Variants in TYW1B observed in about 807,000 individuals in gnomAD.
TYW1B encodes the protein S-adenosyl-L-methionine-dependent tRNA 4-demethylwyosine synthase TYW1B.
In TYW1B, 73 loss-of-function variants were observed where a neutral mutation model predicts 86.9. The observed-to-expected ratio is 0.84, with a 90% CI of 0.70 to 1.02. TYW1B has a LOEUF of 1.02. Ranked by LOEUF, TYW1B falls within the 50% of genes least tolerant of loss-of-function variation. TYW1B has a pLI of 0.00. For synonymous variants in TYW1B, 248 were observed against 292.8 expected (o/e 0.85, Z 1.56); for missense variants, 637 against 827.4 (o/e 0.77, Z 2.82).
chr7:72,578,288 T>C (rs1236000969), intron 13 of TYW1B, among the ~76,000 whole-genome samples: 2 of 152,038 alleles, frequency 1.3e-5, no homozygotes, highest in Admixed American at 1.3e-4. Flanking sequence ...TAATTTTTTT[T>C]GTATTTTTAA....
chr7:72,648,785 G>A lies in TYW1B; in HGVS notation c.1507-19788C>T, dbSNP rs1296353162. On this transcript the variant is annotated intron_variant, in intron 11 of 13. Transcript: ENST00000620995. ...TAGTGTGCAGGAAGATATCACCTGTGTGAAGGAGTAAGCGGAGGGTGAAAC... is the reference window on the plus strand; with the variant it reads ...TAGTGTGCAGGAAGATATCACCTGTATGAAGGAGTAAGCGGAGGGTGAAAC... 7.2e-5 allele frequency among the ~76,000 whole-genome samples: 11 copies of A among 152,110 alleles called. 1 individual carries two copies. Among genetic ancestry groups the A allele is most frequent in the Admixed American group, 5.9e-4 (9 of 15,240 alleles).
chr7:72,712,079 C>G (rs1554454874), intron 10 of TYW1B, among the ~76,000 whole-genome samples: 1 of 151,994 alleles, frequency 6.6e-6, no homozygotes, highest in African/African-American at 2.4e-5. Flanking sequence ...CAGATCATTT[C>G]CCCAGAGGCC....
intron 11 of TYW1B, among the ~76,000 whole-genome samples, chr7:72,632,291 ATATATATACGTGTATATATAT>A (rs2129568789): frequency 8.9e-6 from 1 of 111,982 alleles, no homozygotes; most frequent in South Asian, 2.6e-4. Flanking sequence ...ACGTGTATAT[ATATATATACGTGTATATATAT>A]TATATATATT....
chr7:72,615,761 C>T (rs1585849911), intron 13 of TYW1B, among the ~76,000 whole-genome samples: 1 of 151,534 alleles, frequency 6.6e-6, no homozygotes, highest in Non-Finnish European at 1.5e-5. Flanking sequence ...TGAAATAAAC[C>T]AAGCAGAAAT....
At chr7:72,793,455 T>C (rs1554473928) in intron 6 of TYW1B, among the ~76,000 whole-genome samples, 2 of 151,770 alleles carry the variant, frequency 1.3e-5, no homozygotes, top group African/African-American at 4.8e-5. Flanking sequence ...ACATTAAAAA[T>C]GGCTCCCCTG....
intron 13 of TYW1B, among the ~76,000 whole-genome samples, chr7:72,583,763 G>A (rs782600092): frequency 1.1e-4 from 16 of 152,166 alleles, no homozygotes; most frequent in Admixed American, 3.3e-4. Flanking sequence ...TGGGTACTAG[G>A]TGCTATGTTT....
intron 11 of TYW1B, among the ~76,000 whole-genome samples, chr7:72,632,414 T>TATATATATATAATATATATATACAC (rs1563038830): frequency 9.3e-6 from 1 of 107,092 alleles, no homozygotes; most frequent in Non-Finnish European, 1.7e-5. Context: ...TATATATACA[T>TATATATATATAATATATATATACAC]ATATATATAA....
At chr7:72,639,285 C>A (rs1241101047) in intron 11 of TYW1B, among the ~76,000 whole-genome samples, 1 of 151,522 alleles carries the variant, frequency 6.6e-6, no homozygotes, top group Admixed American at 6.6e-5. Context: ...CAGGGTTTCA[C>A]TCTGTCACTC....
intron 5 of TYW1B, among the ~76,000 whole-genome samples, chr7:72,806,227 G>A (rs999164295): frequency 8.0e-6 from 1 of 125,198 alleles, no homozygotes; most frequent in African/African-American, 3.0e-5. Context: ...TTTTGGTTGT[G>A]TGTGTGTGGG....
At chr7:72,806,499 AG>A (rs1214748660) in intron 5 of TYW1B, among the ~76,000 whole-genome samples, 1 of 151,420 alleles carries the variant, frequency 6.6e-6, no homozygotes, top group Non-Finnish European at 1.5e-5. Flanking sequence ...GCCTCCCAAA[AG>A]TGCTGGGATT....
rs782017364 is a variant in TYW1B at position 72,810,562 on chromosome 7, A to G, written c.341T>C (p.Ile114Thr). ...GTAAGTTTTGCCAAATCGAAAATCA[A>G]TGGATGCTTCCTCTAACCATTTGCA... Reference protein sequence around the residue: ...WFCKWLEEASIDFRFGKTYLK... With the variant: ...WFCKWLEEASTDFRFGKTYLK... The change falls in exon 4 of 14, where the codon ATT (isoleucine) becomes ACT (threonine). Residue 114 changes from isoleucine (I) to threonine (T), a missense_variant. Transcript: ENST00000620995. 1.1e-5 allele frequency: 17 copies of G among 1,613,818 alleles called. No individual in the cohort carries two copies. The highest frequency in any genetic ancestry group is 4.5e-5 in the East Asian group (2 of 44,880).
At chr7:72,818,170 A>G (rs1788759949) in intron 2 of TYW1B, among the ~76,000 whole-genome samples, 1 of 151,836 alleles carries the variant, frequency 6.6e-6, no homozygotes, top group Non-Finnish European at 1.5e-5. Context: ...AGCTTCCTGA[A>G]GCTTTGCCAG....
In TYW1B at chr7:72,703,026, A is replaced by ATT. The variant is rs1166122885; in HGVS notation, c.1371-8206_1371-8205dup. 4.8e-3 allele frequency among the ~76,000 whole-genome samples: 167 copies of ATT among 35,146 alleles called. 1 individual carries two copies. The highest frequency in any genetic ancestry group is 0.028 in the South Asian group (24 of 860). The allele number at this position is 35,146 out of a possible 152,430, so 23.1% of individuals were successfully genotyped here. Reference sequence around the variant, plus strand: ...TATATATATATATATATATATATATATTTTTTTTTTTTTTTTGAGATGGAG... The same window carrying ATT: ...TATATATATATATATATATATATATATTTTTTTTTTTTTTTTTTGAGATGGAG... On this transcript the variant is annotated intron_variant, in intron 10 of 13. Coordinates refer to ENST00000620995, the MANE Select transcript of TYW1B (RefSeq NM_001145440.3).
chr7:72,806,422 G>C (rs1419033439), intron 5 of TYW1B, among the ~76,000 whole-genome samples: 2 of 151,942 alleles, frequency 1.3e-5, no homozygotes, highest in African/African-American at 4.8e-5. Context: ...TTTTAGTAGA[G>C]GTGGGGTTTC....
At chr7:72,822,740 G>A (rs2129572956) in intron 2 of TYW1B, among the ~76,000 whole-genome samples, 1 of 152,304 alleles carries the variant, frequency 6.6e-6, no homozygotes, top group African/African-American at 2.4e-5. Flanking sequence ...TGGGCATGGT[G>A]ATTCATGCCT....
intron 10 of TYW1B, among the ~76,000 whole-genome samples, chr7:72,704,868 C>G (rs1373818176): frequency 6.6e-6 from 1 of 152,128 alleles, no homozygotes; most frequent in African/African-American, 2.4e-5. Flanking sequence ...AGAGCCCAAG[C>G]TTTTTGCCAC....
intron 11 of TYW1B, among the ~76,000 whole-genome samples, chr7:72,654,709 C>T (rs1383326381): frequency 1.3e-5 from 2 of 152,096 alleles, no homozygotes; most frequent in East Asian, 3.9e-4. Flanking sequence ...AGTGGAACCC[C>T]ATCTCTACTG....
At chr7:72,799,962 G>C (rs1379081626) in intron 6 of TYW1B, among the ~76,000 whole-genome samples, 1 of 151,500 alleles carries the variant, frequency 6.6e-6, no homozygotes, top group East Asian at 1.9e-4. Context: ...CTTTCTCCAG[G>C]TTATACAATA....
At position 72,575,651 on chromosome 7, in the gene TYW1B, A is replaced by C. The variant is rs1363428891; in HGVS notation, c.1854T>G (p.Tyr618Ter). 1 of 1,613,608 alleles carries C rather than the reference A, an allele frequency of 6.2e-7. No homozygotes were observed. The highest frequency in any genetic ancestry group is 1.1e-5 in the South Asian group (1 of 91,062). The stretch of plus-strand genomic sequence containing the variant: ...ACGTTTTTGATCCACCACTATCTTC[A>C]TATTCCTGGATGAGCTCCTGGAAGC... ...YNRFQELIQE[Y>*]EDSGGSKTFS... The change falls in exon 14 of 14, where the codon TAT becomes TAG. Residue 618 changes from tyrosine (Y) to a stop codon, truncating the protein, a stop_gained. Coordinates refer to ENST00000620995, the MANE Select transcript of TYW1B (RefSeq NM_001145440.3). LOFTEE classifies it high-confidence loss of function.
Sources: allele counts gnomAD v4.1 joint callset (sites outside exome capture counted in the v4.1 genomes callset), GRCh38; gene constraint gnomAD v4.1.1; transcripts MANE v1.5; gene names NCBI Gene and HGNC (gene_info 2026-07-23, HGNC 2026-07-21).